Variants in ARB2A observed in about 807,000 individuals in gnomAD.
The protein encoded by ARB2A is ARB2 cotranscriptional regulator A.
the ARB2A span, chr5:93,738,272 T>C: frequency 6.5e-6 from 1 of 152,708 alleles, no homozygotes; most frequent in African/African-American, 2.4e-5. Flanking sequence ...GCTACCAAGA[T>C]GGCTATAATT....
chr5:93,737,762 G>A, the ARB2A span: 7 of 329,668 alleles, frequency 2.1e-5, no homozygotes. Flanking sequence ...AACAAATGGT[G>A]CTGGGAAAAC....
the ARB2A span, among the ~76,000 whole-genome samples, chr5:94,109,952 T>C: frequency 6.8e-6 from 1 of 147,978 alleles, no homozygotes; most frequent in Admixed American, 6.9e-5. Context: ...TGGCATGATG[T>C]CGGCTCACTG....
the ARB2A span, among the ~76,000 whole-genome samples, chr5:93,915,663 C>T: frequency 6.6e-6 from 1 of 151,914 alleles, no homozygotes; most frequent in Non-Finnish European, 1.5e-5. Flanking sequence ...CTGAGAACCA[C>T]TAATATAGGC....
At chr5:93,829,109 T>C in the ARB2A span, among the ~76,000 whole-genome samples, 1 of 152,124 alleles carries the variant, frequency 6.6e-6, no homozygotes, top group East Asian at 1.9e-4. Flanking sequence ...TCAAGGCCGT[T>C]TGTAAAGTTC....
At chr5:93,827,560 G>A in the ARB2A span, among the ~76,000 whole-genome samples, 43 of 152,234 alleles carry the variant, frequency 2.8e-4, no homozygotes, top group African/African-American at 1.0e-3. Flanking sequence ...TGTTCACTCT[G>A]ATGGTAGTTT....
chr5:93,895,622 A>G, the ARB2A span, among the ~76,000 whole-genome samples: 1 of 152,126 alleles, frequency 6.6e-6, no homozygotes, highest in African/African-American at 2.4e-5. Flanking sequence ...TTAAATTTTT[A>G]TATCACATCA....
chr5:93,857,026 T>G, the ARB2A span, among the ~76,000 whole-genome samples: 2 of 152,238 alleles, frequency 1.3e-5, no homozygotes, highest in East Asian at 3.9e-4. Context: ...TGCAGGTCTG[T>G]TGGAGTTTGC....
the ARB2A span, among the ~76,000 whole-genome samples, chr5:94,077,481 T>C: frequency 6.6e-6 from 1 of 152,120 alleles, no homozygotes; most frequent in Admixed American, 6.6e-5. Context: ...TCTCTTAACA[T>C]AGTGTTAGAT....
chr5:93,907,264 A>G, the ARB2A span, among the ~76,000 whole-genome samples: 17 of 151,666 alleles, frequency 1.1e-4, no homozygotes, highest in South Asian at 3.5e-3. Context: ...CTCATAAGAC[A>G]TTATGACAAT....
chr5:93,858,053 A>G, the ARB2A span, among the ~76,000 whole-genome samples: 1 of 152,228 alleles, frequency 6.6e-6, no homozygotes, highest in Non-Finnish European at 1.5e-5. Flanking sequence ...CTAAATCAGC[A>G]AAGAGAAAAG....
chr5:93,634,000 C>T, the ARB2A span, among the ~76,000 whole-genome samples: 40 of 152,124 alleles, frequency 2.6e-4, no homozygotes, highest in African/African-American at 9.4e-4. Flanking sequence ...TGGGCTCAAG[C>T]GATCTGCCTG....
the ARB2A span, among the ~76,000 whole-genome samples, chr5:93,876,861 G>A: frequency 0.013 from 1,952 of 151,950 alleles, 21 homozygotes; most frequent in Admixed American, 0.025. Context: ...TGGAAAGAAA[G>A]CTTTAGTTTA....
chr5:93,644,334 C>T, the ARB2A span, among the ~76,000 whole-genome samples: 4 of 152,142 alleles, frequency 2.6e-5, no homozygotes, highest in South Asian at 4.1e-4. Flanking sequence ...AAATAATATA[C>T]CACATTGGTA....
the ARB2A span, chr5:93,964,441 T>C: frequency 6.7e-7 from 1 of 1,491,638 alleles, no homozygotes; most frequent in Non-Finnish European, 9.2e-7. Context: ...TAAACATTTC[T>C]TTAAAATTTG....
the ARB2A span, among the ~76,000 whole-genome samples, chr5:93,750,464 C>T: frequency 6.6e-6 from 1 of 152,192 alleles, no homozygotes; most frequent in Non-Finnish European, 1.5e-5. Flanking sequence ...TAACATACAG[C>T]AGCTTTCCTA....
At chr5:93,739,609 T>C in the ARB2A span, 1 of 152,142 alleles carries the variant, frequency 6.6e-6, no homozygotes, top group Non-Finnish European at 1.5e-5. Flanking sequence ...ATTTAGTATA[T>C]GGTGACCAAA....
At chr5:93,669,657 T>C in the ARB2A span, among the ~76,000 whole-genome samples, 1 of 152,210 alleles carries the variant, frequency 6.6e-6, no homozygotes, top group Non-Finnish European at 1.5e-5. Flanking sequence ...CATTGCAGTA[T>C]GCAGAAGGCA....
the ARB2A span, among the ~76,000 whole-genome samples, chr5:94,096,484 A>G: frequency 1.3e-5 from 2 of 152,214 alleles, no homozygotes; most frequent in African/African-American, 2.4e-5. Context: ...GAATAGGAAT[A>G]CTAGCTATAT....
the ARB2A span, among the ~76,000 whole-genome samples, chr5:94,058,619 A>C: frequency 6.6e-6 from 1 of 152,258 alleles, no homozygotes; most frequent in Non-Finnish European, 1.5e-5. Context: ...GATGAGATGA[A>C]TGAACTTTGA....
Sources: gnomAD v4.1 joint callset for allele counts (sites outside exome capture counted in the v4.1 genomes callset) on GRCh38, gnomAD v4.1.1 for gene constraint, MANE v1.5 for transcripts, NCBI Gene and HGNC (gene_info 2026-07-23, HGNC 2026-07-21) for gene names.